TOMM70: variants seen among roughly 807,000 people sequenced by gnomAD.
TOMM70 encodes mitochondrial import receptor subunit TOM70.
A neutral mutation model predicts 73.6 loss-of-function variants in TOMM70; 13 were observed. The ratio of observed to expected loss-of-function variants is 0.18; its 90% CI spans 0.11 to 0.28. TOMM70 has a LOEUF of 0.28. TOMM70 is among the 10% of genes least tolerant of loss of function. The pLI is 1.00. For missense variants in TOMM70, 609 were observed against 747.5 expected (o/e 0.81, Z 2.16); for synonymous variants, 257 against 271.2 (o/e 0.95, Z 0.51).
intron 7 of TOMM70, among the ~76,000 whole-genome samples, chr3:100,374,765 A>G (rs767944575): frequency 1.3e-5 from 2 of 152,180 alleles, no homozygotes; most frequent in African/African-American, 4.8e-5. Flanking sequence ...CACCAGAAAA[A>G]CAAACTTGAA....
At chr3:100,368,979 C>T in intron 10 of TOMM70, 59 bp downstream of exon 10, 2 of 1,286,794 alleles carry the variant, frequency 1.6e-6, no homozygotes, top group Non-Finnish European at 2.2e-6. Flanking sequence ...AAAATAAATA[C>T]ATTTTATTAC....
chr3:100,392,529 C>T (rs1263549906), intron 1 of TOMM70, among the ~76,000 whole-genome samples: 1 of 152,072 alleles, frequency 6.6e-6, no homozygotes, highest in Non-Finnish European at 1.5e-5. Flanking sequence ...GATTCTTCTG[C>T]CTCAGCCTCC....
intron 8 of TOMM70, 59 bp from the exon 9 acceptor site, chr3:100,372,781 A>T (rs1706525177): frequency 1.5e-6 from 2 of 1,304,968 alleles, no homozygotes; most frequent in Admixed American, 3.9e-5. Flanking sequence ...TGGAATGTTA[A>T]CATAAACACA....
chr3:100,392,607 AG>A (rs1576218297), intron 1 of TOMM70, among the ~76,000 whole-genome samples: 1 of 151,802 alleles, frequency 6.6e-6, no homozygotes, highest in African/African-American at 2.4e-5. Flanking sequence ...GTAGAGACAT[AG>A]GGTTTCACAA....
At chr3:100,387,781 G>A (rs188222206) in intron 1 of TOMM70, among the ~76,000 whole-genome samples, 5 of 151,774 alleles carry the variant, frequency 3.3e-5, no homozygotes, top group Admixed American at 6.6e-5. Flanking sequence ...GGCTACCAGC[G>A]TGCACTACCA....
intron 1 of TOMM70, among the ~76,000 whole-genome samples, chr3:100,389,239 TAA>T (rs1269042166): frequency 6.6e-6 from 1 of 152,196 alleles, no homozygotes; most frequent in African/African-American, 2.4e-5. Flanking sequence ...ATTTTGTAAC[TAA>T]AGTCTTATAC....
At chr3:100,374,964 TG>T in intron 7 of TOMM70, 53 bp downstream of exon 7, 1 of 1,451,362 alleles carries the variant, frequency 6.9e-7, no homozygotes, top group South Asian at 1.5e-5. Context: ...TTCTCAAAAA[TG>T]GTATCAAAGC....
In TOMM70 at chr3:100,401,067, A is replaced by G; in HGVS notation, c.-118T>C. The G allele has an allele frequency of 1.8e-6, 2 of 1,136,840 alleles. No individual in the cohort carries two copies. Among genetic ancestry groups the G allele is most frequent in the Non-Finnish European group, 2.5e-6 (2 of 800,692 alleles). The allele number at this position is 1,136,840 out of a possible 1,614,324, so 70.4% of individuals were successfully genotyped here. On this transcript the variant is annotated 5_prime_UTR_variant, in exon 1 of 12. Coordinates refer to ENST00000284320, the MANE Select transcript of TOMM70 (RefSeq NM_014820.5). ...CAATGAGCGAGCGAGCACGCTAGGC[A>G]GAGAGAGCGGACGACAGAAAAGGGC...
In TOMM70 at chr3:100,389,805, G is replaced by A. The variant is rs1343904716; in HGVS notation, c.325-2827C>T. Among the ~76,000 whole-genome samples the A allele has an allele frequency of 3.3e-5, 5 of 152,312 alleles. 1 individual carries two copies. The highest frequency in any genetic ancestry group is 9.6e-5 in the African/African-American group (4 of 41,582). On this transcript the variant is annotated intron_variant, in intron 1 of 11. Coordinates refer to ENST00000284320, the MANE Select transcript of TOMM70 (RefSeq NM_014820.5). ...GCCTGTAATCCCAGCACTTTGGGAGGCTGAGGCGGGTGGATTACCTCAGGT... is the reference window on the plus strand; with the variant it reads ...GCCTGTAATCCCAGCACTTTGGGAGACTGAGGCGGGTGGATTACCTCAGGT...
chr3:100,369,113 A>C lies in TOMM70; in HGVS notation c.1475T>G (p.Phe492Cys), dbSNP rs1332073240. 6.2e-7 allele frequency: 1 copy of C among 1,613,404 alleles called. No individual in the cohort carries two copies. The stretch of plus-strand genomic sequence containing the variant: ...ATCATACATTTCATCAGCTTTACCA[A>C]ACTGTTGTTGATCTGTTAATGCCTA... ...YAQALTDQQQ[F>C]GKADEMYDKC... The change falls in exon 10 of 12, where the codon TTT becomes TGT. Residue 492 changes from phenylalanine (F) to cysteine (C), a missense_variant. Coordinates refer to ENST00000284320, the MANE Select transcript of TOMM70 (RefSeq NM_014820.5).
At position 100,381,621 on chromosome 3, in the gene TOMM70, T is replaced by G. The variant is rs1168500486; in HGVS notation, c.878A>C (p.Lys293Thr). ...CTATGCTTGACATACTTACTTTTCT[T>G]TCACTTCTAAAGCCTCCCCTTCCTT... ...KDKEGEALEV[K>T]ENSGYLKAKQ... Residue 293 changes from lysine to threonine, a missense_variant, in exon 5 of 12, where the codon AAA becomes ACA. Transcript: ENST00000284320. 1.9e-6 allele frequency: 3 copies of G among 1,612,694 alleles called. No homozygotes were observed. Among genetic ancestry groups the G allele is most frequent in the Non-Finnish European group, 2.5e-6 (3 of 1,179,228 alleles).
Position 100,365,372 on chromosome 3 carries a change from C to G in TOMM70, c.*192G>C, listed in dbSNP as rs1192355173. 1.5e-6 allele frequency: 1 copy of G among 660,950 alleles called. No homozygotes were observed. The highest frequency in any genetic ancestry group is 3.2e-5 in the Admixed American group (1 of 31,236). 40.9% of individuals were successfully genotyped at this position (660,950 alleles called of 1,614,324 possible). A position where few individuals can be genotyped will look rare whatever the true frequency, so the allele number is the denominator to read the frequency against. ...TCTTTTGTTGCACAGGGAATAAAAG[C>G]TGCAAGACTGCAAACTTCCTTCAAC... On this transcript the variant is annotated 3_prime_UTR_variant, in exon 12 of 12. Coordinates refer to ENST00000284320, the MANE Select transcript of TOMM70 (RefSeq NM_014820.5).
rs139243762 is a variant in TOMM70, at chr3:100,381,705, G to T, written c.794C>A (p.Thr265Lys). 1.2e-6 allele frequency: 2 copies of T among 1,611,720 alleles called. No homozygotes were observed. The highest frequency in any genetic ancestry group is 4.5e-5 in the East Asian group (2 of 44,790). The change falls in exon 5 of 12, where the codon ACG (threonine) becomes AAG (lysine). Residue 265 changes from threonine to lysine, a missense_variant. Thr to Lys is a moderately conservative substitution (Grantham distance 78). This residue lies in a region of TOMM70 where 432 missense variants were observed against 584.1 expected (regional missense o/e 0.74). Coordinates refer to ENST00000284320, the MANE Select transcript of TOMM70 (RefSeq NM_014820.5). The stretch of plus-strand genomic sequence containing the variant: ...CATGGGCTGGGAAATGATATCATCC[G>T]TGAAAGAACTGAAGTAAGATTTGAT... ...QFIKSYFSSF[T>K]DDIISQPMLK...
At chr3:100,390,408 G>A (rs565665435) in intron 1 of TOMM70, among the ~76,000 whole-genome samples, 1 of 152,320 alleles carries the variant, frequency 6.6e-6, no homozygotes, top group Non-Finnish European at 1.5e-5. Context: ...GGTCCCATAA[G>A]ATTATCATGG....
intron 11 of TOMM70, 115 bp from the exon 12 acceptor site, chr3:100,365,832 T>C: frequency 8.3e-7 from 1 of 1,211,634 alleles, no homozygotes; most frequent in South Asian, 1.4e-5. Context: ...CAATATTCAA[T>C]GAAGGTTGTA....
At chr3:100,377,529 T>C (rs923642283) in intron 6 of TOMM70, 176 bp downstream of exon 6, 1 of 621,452 alleles carries the variant, frequency 1.6e-6, no homozygotes, top group Admixed American at 3.0e-5. Flanking sequence ...ATATCATTGA[T>C]ATTTATGTTT....
chr3:100,378,258 G>GA (rs1553737941), intron 5 of TOMM70, among the ~76,000 whole-genome samples: 4 of 151,294 alleles, frequency 2.6e-5, no homozygotes, highest in African/African-American at 7.3e-5. Flanking sequence ...AAAAAAGAAA[G>GA]AAAGAAAAGA....
chr3:100,384,651 A>C, intron 3 of TOMM70, 63 bp from the exon 4 acceptor site: 1 of 1,190,740 alleles, frequency 8.4e-7, no homozygotes, highest in Non-Finnish European at 1.2e-6. Context: ...CAGCAGCATC[A>C]AATGGGTACA....
intron 11 of TOMM70, among the ~76,000 whole-genome samples, chr3:100,366,066 C>T (rs910460201): frequency 6.6e-6 from 1 of 152,222 alleles, no homozygotes; most frequent in Non-Finnish European, 1.5e-5. Flanking sequence ...ACAATTCCGT[C>T]TGGTTCCTAA....
Sources: allele counts gnomAD v4.1 joint callset (sites outside exome capture counted in the v4.1 genomes callset), GRCh38; gene constraint gnomAD v4.1.1; regional missense constraint gnomAD v4.1.1; transcripts MANE v1.5; gene names NCBI Gene and HGNC (gene_info 2026-07-23, HGNC 2026-07-21).